Variants in ROBO2 observed in about 807,000 individuals in gnomAD.
ROBO2 encodes the protein roundabout homolog 2.
In ROBO2, 53 loss-of-function variants were observed where a neutral mutation model predicts 160.8. The observed-to-expected ratio is 0.33, with a 90% CI of 0.26 to 0.41. The LOEUF is 0.41. ROBO2 is among the 10% of genes least tolerant of loss of function. The pLI is 1.00. For missense variants in ROBO2, 1,577 were observed against 1,722.4 expected (o/e 0.92, Z 1.49); for synonymous variants, 664 against 611.7 (o/e 1.09, Z -1.26).
chr3:76,230,720 G>A (rs1704572187), intron 2 of ROBO2, among the ~76,000 whole-genome samples: 1 of 118,690 alleles, frequency 8.4e-6, no homozygotes, highest in Admixed American at 8.7e-5. Context: ...ACACTGTTTT[G>A]GTTTGAATTG....
In ROBO2 at chr3:77,340,964, C is replaced by T. The variant is rs1215269249; in HGVS notation, c.389-136450C>T. On this transcript the variant is annotated intron_variant, in intron 2 of 25. Transcript: ENST00000461745. ...AGCTAGTCTATGGGCCAAATCTGAC[C>T]AACTATGAGTTAAGAATATTCTTTA... Among the ~76,000 whole-genome samples, 6 of 152,038 alleles carry T rather than the reference C, an allele frequency of 3.9e-5. No homozygotes were observed. In the East Asian group the frequency reaches 7.7e-4, roughly 20 times the overall value.
At chr3:76,373,057 C>A (rs2076180498) in intron 2 of ROBO2, among the ~76,000 whole-genome samples, 1 of 151,966 alleles carries the variant, frequency 6.6e-6, no homozygotes, top group African/African-American at 2.4e-5. Flanking sequence ...AAAACTGTTT[C>A]TAATTTTCTT....
At chr3:76,877,357 A>C (rs1230751428) in intron 2 of ROBO2, among the ~76,000 whole-genome samples, 2 of 152,188 alleles carry the variant, frequency 1.3e-5, no homozygotes, top group African/African-American at 2.4e-5. Flanking sequence ...GCCAAAATCC[A>C]AGCCTAATTA....
intron 2 of ROBO2, among the ~76,000 whole-genome samples, chr3:76,526,574 T>TTTTA (rs1468797921): frequency 6.6e-6 from 1 of 151,918 alleles, no homozygotes; most frequent in East Asian, 1.9e-4. Context: ...AAGAGAAGAG[T>TTTTA]GCTATAAAAT....
At chr3:77,501,456 A>G (rs2153607497) in intron 5 of ROBO2, among the ~76,000 whole-genome samples, 1 of 152,344 alleles carries the variant, frequency 6.6e-6, no homozygotes. Context: ...ATTATTCTTA[A>G]TAAGTTGAAC....
intron 2 of ROBO2, among the ~76,000 whole-genome samples, chr3:76,893,311 A>G (rs1033714593): frequency 2.0e-5 from 3 of 149,212 alleles, no homozygotes; most frequent in African/African-American, 7.4e-5. Context: ...TTTTCAAGTG[A>G]ACACACACAC....
At chr3:76,539,718 T>C (rs1030380303) in intron 2 of ROBO2, among the ~76,000 whole-genome samples, 6 of 152,226 alleles carry the variant, frequency 3.9e-5, no homozygotes, top group African/African-American at 1.4e-4. Context: ...TTCTTCTTTA[T>C]TGAGGCTTTT....
intron 2 of ROBO2, among the ~76,000 whole-genome samples, chr3:76,089,863 G>A (rs925430368): frequency 6.6e-6 from 1 of 151,946 alleles, no homozygotes; most frequent in South Asian, 2.1e-4. Context: ...AAAATATAGA[G>A]TGGAAAGGAA....
At chr3:76,167,713 A>G (rs565586426) in intron 2 of ROBO2, among the ~76,000 whole-genome samples, 95 of 152,274 alleles carry the variant, frequency 6.2e-4, no homozygotes, top group African/African-American at 2.2e-3. Context: ...TTTTTACCTA[A>G]AGATAATTAA....
At chr3:76,134,663 C>CT (rs565612875) in intron 2 of ROBO2, among the ~76,000 whole-genome samples, 11 of 152,064 alleles carry the variant, frequency 7.2e-5, no homozygotes, top group Non-Finnish European at 1.5e-4. Flanking sequence ...CTAGCTGACA[C>CT]TTAGCGTGCA....
chr3:77,163,215 G>A (rs956297969), intron 2 of ROBO2, among the ~76,000 whole-genome samples: 1 of 152,160 alleles, frequency 6.6e-6, no homozygotes, highest in Non-Finnish European at 1.5e-5. Flanking sequence ...TGTTTTTGTA[G>A]TTCCTGATAT....
At chr3:76,749,173 G>T (rs1158280138) in intron 2 of ROBO2, among the ~76,000 whole-genome samples, 1 of 151,550 alleles carries the variant, frequency 6.6e-6, no homozygotes, top group Non-Finnish European at 1.5e-5. Context: ...ATCTTTCAAT[G>T]TTTAGATTAT....
intron 13 of ROBO2, among the ~76,000 whole-genome samples, chr3:77,570,203 T>C (rs767097637): frequency 9.9e-5 from 15 of 152,054 alleles, no homozygotes; most frequent in Non-Finnish European, 1.9e-4. Flanking sequence ...TGCATCTAAA[T>C]GTGGGAAGTC....
chr3:77,424,188 A>G (rs2077969724), intron 2 of ROBO2, among the ~76,000 whole-genome samples: 1 of 152,186 alleles, frequency 6.6e-6, no homozygotes, highest in African/African-American at 2.4e-5. Flanking sequence ...GGATAACTCT[A>G]GACAATGACA....
At chr3:77,203,950 A>G (rs2083165976) in intron 2 of ROBO2, among the ~76,000 whole-genome samples, 1 of 152,226 alleles carries the variant, frequency 6.6e-6, no homozygotes, top group African/African-American at 2.4e-5. Context: ...AAGTAACTTT[A>G]ATAAAAGTAA....
At chr3:76,752,925 A>G (rs564508379) in intron 2 of ROBO2, among the ~76,000 whole-genome samples, 1 of 151,966 alleles carries the variant, frequency 6.6e-6, no homozygotes, top group African/African-American at 2.4e-5. Context: ...CTTAGAATGC[A>G]AACATTAGAA....
At chr3:77,421,918 C>T (rs1030870590) in intron 2 of ROBO2, among the ~76,000 whole-genome samples, 2 of 152,016 alleles carry the variant, frequency 1.3e-5, no homozygotes, top group Non-Finnish European at 2.9e-5. Flanking sequence ...TCCTTTTACA[C>T]ATTAAAATGT....
chr3:76,573,005 T>C (rs915546143), intron 2 of ROBO2, among the ~76,000 whole-genome samples: 1 of 152,182 alleles, frequency 6.6e-6, no homozygotes, highest in African/African-American at 2.4e-5. Context: ...ATTTGTGTAG[T>C]AGGAATCCAG....
At chr3:76,735,387 G>T (rs1236379410) in intron 2 of ROBO2, among the ~76,000 whole-genome samples, 1 of 152,156 alleles carries the variant, frequency 6.6e-6, no homozygotes, top group Non-Finnish European at 1.5e-5. Flanking sequence ...GCAAAACATT[G>T]TGTATTCATA....
Sources: gnomAD v4.1 joint callset for allele counts (sites outside exome capture counted in the v4.1 genomes callset) on GRCh38, gnomAD v4.1.1 for gene constraint, MANE v1.5 for transcripts, NCBI Gene and HGNC (gene_info 2026-07-23, HGNC 2026-07-21) for gene names.